The following TSGA10 variants were observed in gnomAD, a reference collection of about 807,000 sequenced individuals.
TSGA10 encodes testis-specific gene 10 protein.
Under a neutral mutation model 96.6 loss-of-function variants are expected in TSGA10, and 43 were observed. That is an observed-to-expected ratio of 0.44 (90% CI 0.35 to 0.57). The LOEUF is 0.57. Ranked by LOEUF, TSGA10 falls within the 20% of genes least tolerant of loss-of-function variation. TSGA10 has a pLI of 0.01. For missense variants in TSGA10, 703 were observed against 834.4 expected, an observed-to-expected ratio of 0.84 and a Z score of 1.94; for synonymous variants, 229 against 269.9, an observed-to-expected ratio of 0.85 and a Z score of 1.48.
chr2:99,131,573 C>G (rs553998693), intron 1 of TSGA10, among the ~76,000 whole-genome samples: 1 of 152,232 alleles, frequency 6.6e-6, no homozygotes, highest in South Asian at 2.1e-4. Flanking sequence ...CAAACAGAGA[C>G]AATTTGACTC....
At chr2:99,035,477 T>C (rs368947748) in intron 16 of TSGA10, 38 bp from the exon 17 acceptor site, 10 of 1,364,498 alleles carry the variant, frequency 7.3e-6, no homozygotes, top group Non-Finnish European at 1.0e-5. Flanking sequence ...TGTATACATA[T>C]ATATTAAACT....
chr2:99,032,883 G>A (rs963710435), intron 17 of TSGA10, among the ~76,000 whole-genome samples: 2 of 152,210 alleles, frequency 1.3e-5, no homozygotes, highest in Non-Finnish European at 2.9e-5. Flanking sequence ...CCAGGTTGAC[G>A]AGTCTACGGA....
Position 99,132,930 on chromosome 2 carries a change from C to T in TSGA10, c.-620-5754G>A, listed in dbSNP as rs182412834. 3.3e-5 allele frequency among the ~76,000 whole-genome samples: 5 copies of T among 152,296 alleles called. No individual in the cohort carries two copies. In the East Asian group the frequency reaches 9.6e-4, roughly 29 times the overall value. Reference sequence around the variant, plus strand: ...TGAGTGAGTTTCTTAATCCTGAGTTCTAATTTGATTGCACTGTGGTCTGCG... The same window carrying T: ...TGAGTGAGTTTCTTAATCCTGAGTTTTAATTTGATTGCACTGTGGTCTGCG... On this transcript the variant is annotated intron_variant, in intron 1 of 20. Transcript: ENST00000393483.
At position 99,018,264 on chromosome 2, in the gene TSGA10, A is replaced by T; in HGVS notation, c.2008T>A (p.Cys670Ser). ...MSSTMKPNTK[C>S]HSPERAHHRS... ...TGGTGAGCACGTTCTGGTGAATGAC[A>T]TTTTGTATTTGGCTTCATTGTAGAA... Residue 670 changes from cysteine to serine, a missense_variant, in exon 20 of 21, where the codon TGT (cysteine) becomes AGT (serine). Transcript: ENST00000393483. The T allele has an allele frequency of 6.2e-7, 1 of 1,613,990 alleles. No homozygotes were observed. The highest frequency in any genetic ancestry group is 8.5e-7 in the Non-Finnish European group (1 of 1,179,974).
chr2:99,019,727 C>G (rs1178668449), intron 18 of TSGA10, among the ~76,000 whole-genome samples: 1 of 152,140 alleles, frequency 6.6e-6, no homozygotes, highest in Non-Finnish European at 1.5e-5. Context: ...AAAAAATTCA[C>G]TATACAGGGA....
intron 4 of TSGA10, chr2:99,117,114 C>T (rs529824459): frequency 6.6e-6 from 1 of 152,128 alleles, no homozygotes; most frequent in Non-Finnish European, 1.5e-5. Context: ...GATGTATACC[C>T]GGCTGCGGTG....
At chr2:99,023,072 G>A (rs760594071) in intron 17 of TSGA10, among the ~76,000 whole-genome samples, 1 of 152,136 alleles carries the variant, frequency 6.6e-6, no homozygotes, top group Admixed American at 6.5e-5. Context: ...CCAGGCTGGA[G>A]TGCAGTGGCA....
At chr2:99,033,072 C>T (rs1001953457) in intron 17 of TSGA10, among the ~76,000 whole-genome samples, 3 of 152,270 alleles carry the variant, frequency 2.0e-5, no homozygotes, top group Non-Finnish European at 2.9e-5. Flanking sequence ...AGTATATGAG[C>T]AGATGGCAGT....
chr2:99,042,741 T>C (rs1390972805), intron 16 of TSGA10, among the ~76,000 whole-genome samples: 2 of 151,958 alleles, frequency 1.3e-5, no homozygotes, highest in Non-Finnish European at 2.9e-5. Context: ...TCTTGCGTTG[T>C]GGCCCAGGCT....
chr2:99,131,731 A>G (rs2093096783), intron 1 of TSGA10, among the ~76,000 whole-genome samples: 1 of 152,134 alleles, frequency 6.6e-6, no homozygotes, highest in African/African-American at 2.4e-5. Context: ...GGTTTTGTCC[A>G]TTCAGTATGA....
intron 2 of TSGA10, among the ~76,000 whole-genome samples, chr2:99,123,093 A>C (rs1303703602): frequency 6.6e-6 from 1 of 151,998 alleles, no homozygotes; most frequent in Non-Finnish European, 1.5e-5. Flanking sequence ...CTTCCTTCTT[A>C]CCTCCAGTTT....
chr2:99,085,534 G>A (rs553046822), intron 10 of TSGA10, among the ~76,000 whole-genome samples: 17 of 147,656 alleles, frequency 1.2e-4, no homozygotes, highest in African/African-American at 3.0e-4. Flanking sequence ...ACTTGTGCCT[G>A]AGAGGTCAAG....
intron 12 of TSGA10, among the ~76,000 whole-genome samples, chr2:99,074,740 C>T (rs2086476643): frequency 6.6e-6 from 1 of 152,094 alleles, no homozygotes; most frequent in African/African-American, 2.4e-5. Flanking sequence ...GCAGGCGGAA[C>T]ACGAGGTCAG....
At chr2:99,045,275 A>C (rs897344350) in intron 16 of TSGA10, among the ~76,000 whole-genome samples, 1 of 152,166 alleles carries the variant, frequency 6.6e-6, no homozygotes, top group African/African-American at 2.4e-5. Flanking sequence ...TCCAAGACAC[A>C]TAATTGTCAG....
At chr2:99,138,899 A>C (rs933569140) in intron 1 of TSGA10, among the ~76,000 whole-genome samples, 5 of 152,212 alleles carry the variant, frequency 3.3e-5, no homozygotes, top group Non-Finnish European at 7.3e-5. Context: ...TGATGGAGAA[A>C]GACAGCTGAG....
intron 1 of TSGA10, among the ~76,000 whole-genome samples, chr2:99,129,731 A>G (rs2092989270): frequency 6.6e-6 from 1 of 152,188 alleles, no homozygotes; most frequent in African/African-American, 2.4e-5. Context: ...GGCAAGTGAA[A>G]CAATGTTCCT....
chr2:99,012,006 C>T (rs2079049869), intron 20 of TSGA10, among the ~76,000 whole-genome samples: 1 of 152,152 alleles, frequency 6.6e-6, no homozygotes, highest in South Asian at 2.1e-4. Context: ...AGAAACCCTA[C>T]AAGCCAGAAG....
chr2:99,040,326 T>C (rs774974227), intron 16 of TSGA10, among the ~76,000 whole-genome samples: 1 of 152,114 alleles, frequency 6.6e-6, no homozygotes, highest in Non-Finnish European at 1.5e-5. Context: ...AGGAAGTCAA[T>C]TGTCACTGTT....
intron 16 of TSGA10, among the ~76,000 whole-genome samples, chr2:99,064,532 T>A (rs2085050756): frequency 6.6e-6 from 1 of 152,160 alleles, no homozygotes; most frequent in African/African-American, 2.4e-5. Context: ...ACAGGAAAGT[T>A]ATGCACACCA....
Sources: allele counts gnomAD v4.1 joint callset (sites outside exome capture counted in the v4.1 genomes callset), GRCh38; gene constraint gnomAD v4.1.1; transcripts MANE v1.5; gene names NCBI Gene and HGNC (gene_info 2026-07-23, HGNC 2026-07-21).